The following DOCK1 variants were observed in gnomAD, a reference collection of about 807,000 sequenced individuals.
The protein encoded by DOCK1 is dedicator of cytokinesis 1.
Under a neutral mutation model 262.7 loss-of-function variants are expected in DOCK1, and 138 were observed. The observed-to-expected ratio is 0.53, with a 90% CI of 0.46 to 0.61. DOCK1 has a LOEUF of 0.61. DOCK1 is among the 20% of genes least tolerant of loss of function. DOCK1 has a pLI of 0.00. For synonymous variants in DOCK1, 866 were observed against 867.4 expected (o/e 1.00, Z 0.03); for missense variants, 1,908 against 2,370.7 (o/e 0.80, Z 4.05).
At chr10:127,085,406 A>G (rs1386655950) in intron 23 of DOCK1, among the ~76,000 whole-genome samples, 1 of 152,214 alleles carries the variant, frequency 6.6e-6, no homozygotes, top group Non-Finnish European at 1.5e-5. Context: ...ATTATCCATC[A>G]GTTAGGGATA....
At chr10:127,309,726 G>A (rs1373895779) in intron 29 of DOCK1, among the ~76,000 whole-genome samples, 3 of 152,168 alleles carry the variant, frequency 2.0e-5, no homozygotes, top group Admixed American at 6.5e-5. Context: ...GCTTGTTGAA[G>A]ATCCCTCTGA....
In DOCK1 at chr10:127,024,815, C is replaced by G. The variant is rs377545014; in HGVS notation, c.1551+32C>G. On this transcript the variant is annotated intron_variant, in intron 15 of 51. Coordinates refer to ENST00000623213, the MANE Select transcript of DOCK1 (RefSeq NM_001290223.2). ...TTTACATGGTCATTTTATCACATGG[C>G]GCTGATTATGAAATGCTCATTTGTA... 6.5e-5 allele frequency: 100 copies of G among 1,526,952 alleles called. No individual in the cohort carries two copies. The East Asian group carries it at 2.3e-3, about 34-fold the overall frequency. The allele number at this position is 1,526,952 out of a possible 1,614,324, so 94.6% of individuals were successfully genotyped here.
intron 27 of DOCK1, among the ~76,000 whole-genome samples, chr10:127,151,807 C>T (rs1415805434): frequency 1.4e-4 from 22 of 152,144 alleles, no homozygotes; most frequent in Non-Finnish European, 2.9e-5. Context: ...AGCAAGTGGA[C>T]CAGTGGCTGA....
At chr10:127,346,003 C>T (rs1480066394) in intron 31 of DOCK1, among the ~76,000 whole-genome samples, 1 of 152,214 alleles carries the variant, frequency 6.6e-6, no homozygotes, top group East Asian at 1.9e-4. Flanking sequence ...CCTCCTTCAG[C>T]ACGCGCCCCT....
chr10:126,975,932 ATACTT>A (rs2038505363), intron 2 of DOCK1, among the ~76,000 whole-genome samples: 1 of 152,022 alleles, frequency 6.6e-6, no homozygotes, highest in Admixed American at 6.6e-5. Context: ...TTTTCTTACT[ATACTT>A]AGTTGCTGTC....
At chr10:127,292,338 C>A (rs992028430) in intron 29 of DOCK1, among the ~76,000 whole-genome samples, 1 of 152,154 alleles carries the variant, frequency 6.6e-6, no homozygotes, top group African/African-American at 2.4e-5. Context: ...ACCTTAGTGA[C>A]TCAGGCAGCC....
intron 7 of DOCK1, 91 bp from the exon 8 acceptor site, chr10:126,998,001 A>G (rs1170377790): frequency 2.6e-6 from 4 of 1,509,442 alleles, no homozygotes; most frequent in East Asian, 4.8e-5. Context: ...CCAATGAGTT[A>G]TTACAATTTT....
intron 27 of DOCK1, among the ~76,000 whole-genome samples, chr10:127,158,778 C>T (rs1179681622): frequency 1.3e-5 from 2 of 152,198 alleles, no homozygotes; most frequent in Non-Finnish European, 2.9e-5. Context: ...TTGTGGCATT[C>T]ACTATGTATC....
At chr10:126,930,435 A>C (rs1412592472) in intron 1 of DOCK1, among the ~76,000 whole-genome samples, 1 of 152,178 alleles carries the variant, frequency 6.6e-6, no homozygotes, top group Non-Finnish European at 1.5e-5. Context: ...TACGTGCTTC[A>C]CTTCTTACCT....
chr10:127,038,486 T>A (rs1279753452), intron 19 of DOCK1, among the ~76,000 whole-genome samples: 5 of 152,152 alleles, frequency 3.3e-5, no homozygotes, highest in Non-Finnish European at 7.4e-5. Flanking sequence ...AGGGTCGTTG[T>A]GGAGCCTCAG....
intron 29 of DOCK1, among the ~76,000 whole-genome samples, chr10:127,272,760 A>G (rs1342285652): frequency 1.3e-5 from 2 of 152,222 alleles, no homozygotes; most frequent in Admixed American, 6.5e-5. Flanking sequence ...TTACAGTTCT[A>G]TGTGGCTTGG....
chr10:126,948,197 G>A (rs2035731650), intron 1 of DOCK1, among the ~76,000 whole-genome samples: 1 of 103,474 alleles, frequency 9.7e-6, no homozygotes, highest in Non-Finnish European at 2.2e-5. Flanking sequence ...GTGGTTGGTA[G>A]TATTACTGTT....
At chr10:126,945,823 T>G (rs958220120) in intron 1 of DOCK1, among the ~76,000 whole-genome samples, 3 of 152,238 alleles carry the variant, frequency 2.0e-5, no homozygotes, top group African/African-American at 4.8e-5. Context: ...ACTTTGCTGA[T>G]GCAGGCAGTT....
intron 31 of DOCK1, among the ~76,000 whole-genome samples, chr10:127,346,063 C>G (rs765074410): frequency 3.3e-5 from 5 of 152,244 alleles, no homozygotes; most frequent in African/African-American, 4.8e-5. Flanking sequence ...GGTGAAGCCA[C>G]CTGCCCAAGT....
intron 10 of DOCK1, among the ~76,000 whole-genome samples, chr10:127,007,057 CT>C (rs1412550290): frequency 6.6e-6 from 1 of 152,200 alleles, no homozygotes; most frequent in East Asian, 1.9e-4. Context: ...CTGGGAAACG[CT>C]TCCCCCAGGC....
intron 1 of DOCK1, among the ~76,000 whole-genome samples, chr10:126,945,455 AAGAGAG>A (rs1261260472): frequency 6.7e-6 from 1 of 148,210 alleles, no homozygotes; most frequent in African/African-American, 2.5e-5. Flanking sequence ...GAGAAGGGGA[AAGAGAG>A]AGAGAGAGAG....
chr10:127,425,739 T>G (rs898038582), intron 46 of DOCK1, 135 bp from the exon 47 acceptor site: 1 of 1,330,370 alleles, frequency 7.5e-7, no homozygotes, highest in Middle Eastern at 1.9e-4. Context: ...ATATGCCTGC[T>G]GGTAAATTGA....
intron 46 of DOCK1, among the ~76,000 whole-genome samples, chr10:127,424,264 G>T (rs186142026): frequency 6.6e-6 from 1 of 152,222 alleles, no homozygotes; most frequent in East Asian, 1.9e-4. Flanking sequence ...CTCACACCTG[G>T]TAAATTTCAC....
chr10:127,250,588 C>T (rs11016937), intron 28 of DOCK1, among the ~76,000 whole-genome samples: 44,196 of 151,486 alleles, frequency 0.29, 7,307 homozygotes, highest in South Asian at 0.54. Context: ...GTCAGGAGTT[C>T]GAGAACAACC....
Sources: allele counts gnomAD v4.1 joint callset (sites outside exome capture counted in the v4.1 genomes callset), GRCh38; gene constraint gnomAD v4.1.1; transcripts MANE v1.5; gene names NCBI Gene and HGNC (gene_info 2026-07-23, HGNC 2026-07-21).